AKAP8L: variants seen among roughly 807,000 people sequenced by gnomAD.
The protein encoded by AKAP8L is A-kinase anchoring protein 8 like.
A neutral mutation model predicts 77.5 loss-of-function variants in AKAP8L; 34 were observed. The ratio of observed to expected loss-of-function variants is 0.44; its 90% CI spans 0.33 to 0.58. The LOEUF (loss-of-function observed/expected upper bound fraction) is 0.58, where lower values mean the gene tolerates loss of function less well. Among genes scored for constraint, AKAP8L ranks in the 20% least tolerant of loss-of-function variants. The pLI, the probability that AKAP8L is intolerant of heterozygous loss-of-function variation, is 0.02. For missense variants in AKAP8L, 806 were observed against 887.6 expected, an observed-to-expected ratio of 0.91 and a Z score of 1.17; for synonymous variants, 342 against 340.7, an observed-to-expected ratio of 1.00 and a Z score of -0.04.
intron 12 of AKAP8L, among the ~76,000 whole-genome samples, chr19:15,381,619 ATTT>A (rs796464317): frequency 1.1e-4 from 16 of 147,162 alleles, no homozygotes; most frequent in African/African-American, 4.0e-4. Flanking sequence ...CTCCATCTTC[ATTT>A]TTTTTTTTCC....
At position 15,397,301 on chromosome 19, in the gene AKAP8L, T is replaced by A. The variant is rs775922460; in HGVS notation, c.1406-21A>T. ...AATTTCTGTAGTGGGGAGGAGGGAG[T>A]CACCACTGGGCCCAGGTGCCTAAGA... On this transcript the variant is annotated intron_variant, in intron 11 of 13. Transcript: ENST00000397410. This position sits in a 1 kb window ranked among gnomAD's most constrained non-coding sequence, Gnocchi z 4.7. 6.2e-7 allele frequency: 1 copy of A among 1,613,146 alleles called. No homozygotes were observed. The highest frequency in any genetic ancestry group is 8.5e-7 in the Non-Finnish European group (1 of 1,179,598).
intron 12 of AKAP8L, among the ~76,000 whole-genome samples, chr19:15,389,677 A>G (rs1967619127): frequency 6.6e-6 from 1 of 152,242 alleles, no homozygotes; most frequent in Non-Finnish European, 1.5e-5. Context: ...AGGTAGAGGC[A>G]GGGGAATCAC....
intron 12 of AKAP8L, among the ~76,000 whole-genome samples, chr19:15,386,720 G>A (rs999282394): frequency 7.2e-5 from 11 of 152,140 alleles, no homozygotes; most frequent in Non-Finnish European, 1.2e-4. Flanking sequence ...GTGCAATGGC[G>A]TGATATCGGC....
At chr19:15,386,321 G>A (rs936537922) in intron 12 of AKAP8L, among the ~76,000 whole-genome samples, 1 of 152,130 alleles carries the variant, frequency 6.6e-6, no homozygotes, top group Non-Finnish European at 1.5e-5. Flanking sequence ...CCTAAATATT[G>A]AGAGGACAGA....
rs766471470 is a variant in AKAP8L at position 15,403,970 on chromosome 19, C to A, written c.121+40G>T. The A allele has an allele frequency of 2.5e-6, 4 of 1,611,900 alleles. No homozygotes were observed. Among genetic ancestry groups the A allele is most frequent in the Non-Finnish European group, 3.4e-6 (4 of 1,178,532 alleles). Reference sequence around the variant, plus strand: ...TGGCAGAGAAACACAGCCAGGACAACCCCAAGGGACAGGACAGCAATCACA... The same window carrying A: ...TGGCAGAGAAACACAGCCAGGACAAACCCAAGGGACAGGACAGCAATCACA... On this transcript the variant is annotated intron_variant, in intron 3 of 13. Coordinates refer to ENST00000397410, the MANE Select transcript of AKAP8L (RefSeq NM_014371.4). This position sits in a 1 kb window ranked among gnomAD's most constrained non-coding sequence, Gnocchi z 4.3.
chr19:15,400,903 C>T (rs368795449), intron 6 of AKAP8L, 39 bp from the exon 7 acceptor site: 17 of 1,613,802 alleles, frequency 1.1e-5, no homozygotes, highest in East Asian at 2.2e-5. Context: ...CCAGGAGTTC[C>T]CAGAGGCAGG....
Position 15,380,588 on chromosome 19 carries a change from ACTT to A in AKAP8L, c.1558_1560del (p.Lys520del). On this transcript the variant is annotated inframe_deletion, in exon 13 of 14. Coordinates refer to ENST00000397410, the MANE Select transcript of AKAP8L (RefSeq NM_014371.4). ...ATACTGCGGGCCACCATGAGGGAGG[ACTT>A]CTTGGACTGCTCCATCATGAGCTGC... is the stretch of plus-strand genomic sequence containing the variant. The A allele has an allele frequency of 6.2e-7, 1 of 1,613,550 alleles. No individual in the cohort carries two copies. Among genetic ancestry groups the A allele is most frequent in the Non-Finnish European group, 8.5e-7 (1 of 1,179,844 alleles).
Position 15,403,382 on chromosome 19 carries a change from G to T in AKAP8L, c.362+93C>A. ...AGCACCAAGCAGCGGGGAGGAAGCAGACACAGAGGGGCACTCAGAGAGGAA... is the reference window on the plus strand; with the variant it reads ...AGCACCAAGCAGCGGGGAGGAAGCATACACAGAGGGGCACTCAGAGAGGAA... On this transcript the variant is annotated intron_variant, in intron 4 of 13. Coordinates refer to ENST00000397410, the MANE Select transcript of AKAP8L (RefSeq NM_014371.4). The surrounding 1 kb of genome is among the most constrained non-coding windows in gnomAD (Gnocchi z 4.3). The T allele has an allele frequency of 8.1e-7, 1 of 1,240,938 alleles. No individual in the cohort carries two copies. The highest frequency in any genetic ancestry group is 1.2e-6 in the Non-Finnish European group (1 of 855,982). The allele number at this position is 1,240,938 out of a possible 1,614,324, so 76.9% of individuals were successfully genotyped here.
chr19:15,412,837 C>T lies in AKAP8L; in HGVS notation c.14-2243G>A, dbSNP rs559923017. Among the ~76,000 whole-genome samples the T allele has an allele frequency of 9.2e-5, 14 of 152,312 alleles. No homozygotes were observed. The East Asian group carries it at 1.2e-3, about 13-fold the overall frequency. On this transcript the variant is annotated intron_variant, in intron 1 of 13. Coordinates refer to ENST00000397410, the MANE Select transcript of AKAP8L (RefSeq NM_014371.4). The stretch of plus-strand genomic sequence containing the variant: ...GATTACAGGCGTGAGCCACTGCGCC[C>T]GGCCAGAAATACATATTTTTGAATA...
rs765260467 is a variant in AKAP8L at position 15,399,255 on chromosome 19, A to C, written c.1157+47T>G. Reference sequence around the variant, plus strand: ...GCTATGGCCCTGCTCTCCTGGCGGCAGCCCCACAGCGAGGCAGAGGCAGAG... The same window carrying C: ...GCTATGGCCCTGCTCTCCTGGCGGCCGCCCCACAGCGAGGCAGAGGCAGAG... On this transcript the variant is annotated intron_variant, in intron 9 of 13. Transcript: ENST00000397410. The surrounding 1 kb of genome is among the most constrained non-coding windows in gnomAD (Gnocchi z 6.1). 6 of 1,537,188 alleles carry C rather than the reference A, an allele frequency of 3.9e-6. No individual in the cohort carries two copies. In the African/African-American group the frequency reaches 8.2e-5, roughly 21 times the overall value.
At chr19:15,396,778 A>G (rs141947527) in intron 12 of AKAP8L, among the ~76,000 whole-genome samples, 1 of 152,150 alleles carries the variant, frequency 6.6e-6, no homozygotes, top group South Asian at 2.1e-4. Context: ...CTTGAAACTT[A>G]ACTGCCTACA....
chr19:15,417,406 GACGCCAGATACT>G (rs2145156308), intron 1 of AKAP8L, among the ~76,000 whole-genome samples: 1 of 152,300 alleles, frequency 6.6e-6, no homozygotes, highest in East Asian at 1.9e-4. Context: ...ACTGATGTTT[GACGCCAGATACT>G]TCTTTGCGGT....
At chr19:15,407,400 G>A (rs903758896) in intron 2 of AKAP8L, among the ~76,000 whole-genome samples, 4 of 152,174 alleles carry the variant, frequency 2.6e-5, no homozygotes, top group African/African-American at 9.7e-5. Flanking sequence ...TTATTTAAAT[G>A]TTATATTGTT....
intron 12 of AKAP8L, among the ~76,000 whole-genome samples, chr19:15,394,959 CTTT>C (rs35112257): frequency 5.5e-5 from 8 of 145,322 alleles, no homozygotes; most frequent in Non-Finnish European, 6.0e-5. Context: ...ATGGCTTGTT[CTTT>C]TTTTTTTTTT....
intron 1 of AKAP8L, among the ~76,000 whole-genome samples, chr19:15,418,252 T>G (rs1208102352): frequency 1.3e-5 from 2 of 152,226 alleles, no homozygotes; most frequent in Admixed American, 1.3e-4. Flanking sequence ...TTCTTGTCTG[T>G]ATTCCCAATA....
chr19:15,408,700 G>A (rs1234606025), intron 2 of AKAP8L, among the ~76,000 whole-genome samples: 12 of 151,550 alleles, frequency 7.9e-5, no homozygotes. Flanking sequence ...TGGCAAATAC[G>A]GTGAAACCCC....
intron 1 of AKAP8L, among the ~76,000 whole-genome samples, chr19:15,413,754 A>G (rs1968149836): frequency 6.6e-6 from 1 of 152,230 alleles, no homozygotes; most frequent in Non-Finnish European, 1.5e-5. Flanking sequence ...GCCACCAGTA[A>G]AATGGCCTCA....
At chr19:15,409,848 A>G (rs1968074009) in intron 2 of AKAP8L, among the ~76,000 whole-genome samples, 1 of 152,124 alleles carries the variant, frequency 6.6e-6, no homozygotes, top group Non-Finnish European at 1.5e-5. Flanking sequence ...AGTCTCCAAA[A>G]GCTGCCAGAT....
At position 15,401,839 on chromosome 19, in the gene AKAP8L, G is replaced by T. The variant is rs1206677031; in HGVS notation, c.363-236C>A. Among the ~76,000 whole-genome samples the T allele has an allele frequency of 6.6e-6, 1 of 152,218 alleles. No individual in the cohort carries two copies. ...TTGGGGACCCTAAGAAGGACTGAAG[G>T]ACTGATAACTGGGGTGGAGGCTCTA... is the stretch of plus-strand genomic sequence containing the variant. On this transcript the variant is annotated intron_variant, in intron 4 of 13. Coordinates refer to ENST00000397410, the MANE Select transcript of AKAP8L (RefSeq NM_014371.4). This position sits in a 1 kb window ranked among gnomAD's most constrained non-coding sequence, Gnocchi z 6.2.
Sources: allele counts gnomAD v4.1 joint callset (sites outside exome capture counted in the v4.1 genomes callset), GRCh38; gene constraint gnomAD v4.1.1; non-coding constraint Gnocchi (gnomAD v3.1); transcripts MANE v1.5; gene names NCBI Gene and HGNC (gene_info 2026-07-23, HGNC 2026-07-21).